The following CCDC88C variants were observed in gnomAD, a reference collection of about 807,000 sequenced individuals.
CCDC88C encodes coiled-coil and HOOK domain protein 88C.
In CCDC88C, 131 loss-of-function variants were observed where a neutral mutation model predicts 198.8. That is an observed-to-expected ratio of 0.66 (90% CI 0.57 to 0.76). The LOEUF (loss-of-function observed/expected upper bound fraction) is 0.76, where lower values mean the gene tolerates loss of function less well. Ranked by LOEUF, CCDC88C falls within the 30% of genes least tolerant of loss-of-function variation. The pLI is 0.00. For missense variants in CCDC88C, 2,553 were observed against 2,631.6 expected (o/e 0.97, Z 0.65); for synonymous variants, 1,166 against 1,114.7 (o/e 1.05, Z -0.92).
intron 4 of CCDC88C, among the ~76,000 whole-genome samples, chr14:91,345,184 A>ATTTTTTT (rs1458769741): frequency 5.9e-5 from 4 of 67,556 alleles, no homozygotes; most frequent in African/African-American, 2.2e-4. Flanking sequence ...ATATATATAT[A>ATTTTTTT]TATATATTTT....
intron 4 of CCDC88C, 76 bp downstream of exon 4, chr14:91,359,566 C>T: frequency 4.2e-6 from 5 of 1,182,888 alleles, no homozygotes; most frequent in East Asian, 2.5e-5. Context: ...GCAGCCGGAG[C>T]TCGATGGCCA....
chr14:91,341,490 C>G (rs1893309331), intron 6 of CCDC88C, among the ~76,000 whole-genome samples: 1 of 152,222 alleles, frequency 6.6e-6, no homozygotes, highest in Admixed American at 6.5e-5. Flanking sequence ...GCTGGTAGGC[C>G]CAGCTACAGC....
At chr14:91,392,093 C>A (rs766063132) in intron 3 of CCDC88C, among the ~76,000 whole-genome samples, 1 of 152,068 alleles carries the variant, frequency 6.6e-6, no homozygotes, top group Non-Finnish European at 1.5e-5. Flanking sequence ...GCCTCTGGGG[C>A]CTCCAGGGTA....
At chr14:91,367,919 C>T (rs1479321943) in intron 3 of CCDC88C, among the ~76,000 whole-genome samples, 1 of 152,106 alleles carries the variant, frequency 6.6e-6, no homozygotes, top group Non-Finnish European at 1.5e-5. Context: ...CTAAAACGCC[C>T]CCTCCTCTAG....
rs557961933 is a variant in CCDC88C at position 91,326,223 on chromosome 14, C to CT, written c.1051-168dup. On this transcript the variant is annotated intron_variant, in intron 10 of 29. Transcript: ENST00000389857. ...CTACTTTTTTTTTTATCATCTTCAC[C>CT]TTTTTTTTGAGACGGAATGTCACTC... 5.3e-5 allele frequency among the ~76,000 whole-genome samples: 8 copies of CT among 151,528 alleles called. No homozygotes were observed. The East Asian group carries it at 1.5e-3, about 29-fold the overall frequency.
At chr14:91,303,637 CT>C (rs1197184487) in intron 20 of CCDC88C, 63 bp downstream of exon 20, 8 of 1,470,866 alleles carry the variant, frequency 5.4e-6, no homozygotes, top group Non-Finnish European at 7.3e-6. Flanking sequence ...ACCTTTCCCC[CT>C]GGGCCCAGCC....
In CCDC88C at chr14:91,314,141, G is replaced by A. The variant is rs797045439; in HGVS notation, c.1675C>T (p.Leu559Phe). The change falls in exon 15 of 30, where the codon CTT becomes TTT. Residue 559 changes from leucine to phenylalanine, a missense_variant. By Grantham distance (22) the Leu-to-Phe change is conservative. This residue lies in a region of CCDC88C where 1,260 missense variants were observed against 1,412.0 expected (regional missense o/e 0.89). Coordinates refer to ENST00000389857, the MANE Select transcript of CCDC88C (RefSeq NM_001080414.4). Reference protein sequence around the residue: ...KADKARQIKDLEQEKDHLNRA... With the variant: ...KADKARQIKDFEQEKDHLNRA... ...TTGAGGTGGTCCTTTTCCTGCTCAA[G>A]GTCCTTGATCTACGGGAAAACACAA... The A allele has an allele frequency of 2.5e-6, 4 of 1,609,018 alleles. No individual in the cohort carries two copies. The South Asian group carries it at 4.4e-5, about 18-fold the overall frequency.
intron 4 of CCDC88C, among the ~76,000 whole-genome samples, chr14:91,347,987 T>C (rs984151631): frequency 2.0e-5 from 3 of 152,280 alleles, no homozygotes; most frequent in South Asian, 4.1e-4. Context: ...ATATACACCA[T>C]GGAATACTAT....
intron 10 of CCDC88C, among the ~76,000 whole-genome samples, chr14:91,335,706 G>A (rs1221091490): frequency 1.3e-5 from 2 of 152,144 alleles, no homozygotes; most frequent in Non-Finnish European, 2.9e-5. Flanking sequence ...TAATGTCACC[G>A]CATGAAGAAG....
chr14:91,356,118 C>T (rs61988409), intron 4 of CCDC88C, among the ~76,000 whole-genome samples: 35,987 of 152,038 alleles, frequency 0.24, 5,162 homozygotes, highest in Middle Eastern at 0.3. Flanking sequence ...TAAAAAGAAA[C>T]GAAAAGAGCT....
Position 91,279,226 on chromosome 14 carries a change from C to T in CCDC88C, c.4768+12G>A, listed in dbSNP as rs775761174. 7 of 1,580,614 alleles carry T rather than the reference C, an allele frequency of 4.4e-6. No homozygotes were observed. Among genetic ancestry groups the T allele is most frequent in the African/African-American group, 4.0e-5 (3 of 74,400 alleles). On this transcript the variant is annotated intron_variant, in intron 28 of 29. Transcript: ENST00000389857. ...ATCAATTTTTAAAAGTACACAGAAG[C>T]ACAAGACTTACCTTTTAGGTTAAGA... is the stretch of plus-strand genomic sequence containing the variant.
rs1343992178 is a variant in CCDC88C at position 91,381,259 on chromosome 14, C to T, written c.271-21548G>A. ...TGAAGGAGACTGTGACCCACCAGACCCCTCACACATGCCCGTGAGGGGGTC... is the reference window on the plus strand; with the variant it reads ...TGAAGGAGACTGTGACCCACCAGACTCCTCACACATGCCCGTGAGGGGGTC... On this transcript the variant is annotated intron_variant, in intron 3 of 29. Transcript: ENST00000389857. This position sits in a 1 kb window ranked among gnomAD's most constrained non-coding sequence, Gnocchi z 4.2. Among the ~76,000 whole-genome samples the T allele has an allele frequency of 2.0e-5, 3 of 152,244 alleles. No homozygotes were observed. The East Asian group carries it at 5.8e-4, about 29-fold the overall frequency.
intron 10 of CCDC88C, among the ~76,000 whole-genome samples, chr14:91,331,155 G>T (rs1296258224): frequency 6.6e-6 from 1 of 152,124 alleles, no homozygotes; most frequent in African/African-American, 2.4e-5. Context: ...CTCCAGACTG[G>T]GGGAAATGGG....
rs758450000 is a variant in CCDC88C at position 91,283,391 on chromosome 14, G to A, written c.4568C>T (p.Ser1523Leu). 1.2e-6 allele frequency: 2 copies of A among 1,613,846 alleles called. No individual in the cohort carries two copies. The highest frequency in any genetic ancestry group is 1.7e-6 in the Non-Finnish European group (2 of 1,179,844). ...GTTGGAAGGGGCTGTAGTGGTGGCT[G>A]AAGTTGAGCAAGTCCGGGAGCCCAG... ...SELGSRTCST[S>L]ATTTAPSNST... The change falls in exon 26 of 30, where the codon TCA (serine) becomes TTA (leucine). Residue 1523 changes from serine (S) to leucine (L), a missense_variant. Transcript: ENST00000389857.
In CCDC88C at chr14:91,271,969, C is replaced by T. The variant is rs773109625; in HGVS notation, c.*656G>A. The T allele has an allele frequency of 9.2e-5, 14 of 152,812 alleles. No homozygotes were observed. The highest frequency in any genetic ancestry group is 4.6e-4 in the Admixed American group (7 of 15,290). 9.5% of individuals were successfully genotyped at this position (152,812 alleles called of 1,614,324 possible). On this transcript the variant is annotated 3_prime_UTR_variant, in exon 30 of 30. Coordinates refer to ENST00000389857, the MANE Select transcript of CCDC88C (RefSeq NM_001080414.4). ...GGTCCCCAAACCCCCTGGTGCAGAG[C>T]TCAGGAGCCAGCTGGAGGCTGGGGG...
chr14:91,306,083 A>T (rs1017510916), intron 18 of CCDC88C, among the ~76,000 whole-genome samples, 157 bp from the exon 19 acceptor site: 2 of 152,230 alleles, frequency 1.3e-5, no homozygotes, highest in African/African-American at 2.4e-5. Context: ...CTCTTTGAAA[A>T]AGATAATCAG....
At chr14:91,343,818 T>C (rs1390380886) in intron 4 of CCDC88C, among the ~76,000 whole-genome samples, 161 bp from the exon 5 acceptor site, 1 of 152,176 alleles carries the variant, frequency 6.6e-6, no homozygotes, top group Non-Finnish European at 1.5e-5. Context: ...TGTGGCTTTA[T>C]TTACTTTTTA....
In CCDC88C at chr14:91,386,998, TACTA is replaced by T. The variant is rs1375347405; in HGVS notation, c.270+21657_270+21660del. 2.6e-5 allele frequency among the ~76,000 whole-genome samples: 4 copies of T among 152,356 alleles called. No individual in the cohort carries two copies. The South Asian group carries it at 8.3e-4, about 32-fold the overall frequency. On this transcript the variant is annotated intron_variant, in intron 3 of 29. Coordinates refer to ENST00000389857, the MANE Select transcript of CCDC88C (RefSeq NM_001080414.4). ...AGCACCATTCTAAGTATTTTAAATA[TACTA>T]ACTTATTTATCCTCAGTCTAATCTA...
intron 3 of CCDC88C, among the ~76,000 whole-genome samples, chr14:91,404,489 T>C (rs1156591053): frequency 1.3e-5 from 2 of 152,208 alleles, no homozygotes; most frequent in Admixed American, 6.5e-5. Context: ...CAGAATCACC[T>C]GGGGGCCTGT....
Sources: allele counts gnomAD v4.1 joint callset (sites outside exome capture counted in the v4.1 genomes callset), GRCh38; gene constraint gnomAD v4.1.1; regional missense constraint gnomAD v4.1.1; non-coding constraint Gnocchi (gnomAD v3.1); transcripts MANE v1.5; gene names NCBI Gene and HGNC (gene_info 2026-07-23, HGNC 2026-07-21).